Variants in GABPB1 observed in about 807,000 individuals in gnomAD.
GABPB1 encodes the protein GA-binding protein subunit beta-1.
In GABPB1, 15 loss-of-function variants were observed where a neutral mutation model predicts 45.9. The observed-to-expected ratio is 0.33, with a 90% CI of 0.22 to 0.50. GABPB1 has a LOEUF of 0.50. Among genes scored for constraint, GABPB1 ranks in the 20% least tolerant of loss-of-function variants. GABPB1 has a pLI of 0.98. For synonymous variants in GABPB1, 143 were observed against 154.4 expected, an observed-to-expected ratio of 0.93 and a Z score of 0.55; for missense variants, 252 against 457.5, an observed-to-expected ratio of 0.55 and a Z score of 4.10.
intron 1 of GABPB1, among the ~76,000 whole-genome samples, chr15:50,334,496 CTTTTTTTCCTTTT>C (rs2048049457): frequency 7.6e-6 from 1 of 131,132 alleles, no homozygotes; most frequent in African/African-American, 2.8e-5. Context: ...TTATCTTTTT[CTTTTTTTCCTTTT>C]TTTTTTTTTT....
chr15:50,287,016 A>G (rs1778796275), intron 7 of GABPB1, among the ~76,000 whole-genome samples: 1 of 152,232 alleles, frequency 6.6e-6, no homozygotes. Flanking sequence ...ATTTAAAAAT[A>G]GTAAAACTAA....
chr15:50,289,503 G>C lies in GABPB1; in HGVS notation c.863C>G (p.Thr288Ser). The C allele has an allele frequency of 6.2e-7, 1 of 1,610,720 alleles. No individual in the cohort carries two copies. Among genetic ancestry groups the C allele is most frequent in the Non-Finnish European group, 8.5e-7 (1 of 1,178,472 alleles). ...TSGIGQPIIVTMPDGQQVLTV... is the reference protein window; with the variant it reads ...TSGIGQPIIVSMPDGQQVLTV... ...CTAACCTTGTTGTCCATCTGGCATG[G>C]TCACAATGATGGGCTGACCAATTCC... The change falls in exon 7 of 9, where the codon ACC becomes AGC. Residue 288 changes from threonine to serine, a missense_variant. Thr to Ser is a moderately conservative substitution (Grantham distance 58). Around this residue, in one of 4 missense-constraint regions of GABPB1, gnomAD observed 193 missense variants for 259.9 expected, o/e 0.74. Coordinates refer to ENST00000380877, the MANE Select transcript of GABPB1 (RefSeq NM_016654.5).
chr15:50,309,535 C>A (rs1254328631), intron 2 of GABPB1, among the ~76,000 whole-genome samples, 156 bp downstream of exon 2: 1 of 152,176 alleles, frequency 6.6e-6, no homozygotes, highest in Non-Finnish European at 1.5e-5. Context: ...ATATAAACCA[C>A]TTCTTTTAGG....
chr15:50,353,039 T>C (rs561887142), intron 1 of GABPB1: 9 of 152,350 alleles, frequency 5.9e-5, no homozygotes, highest in African/African-American at 2.2e-4. Context: ...CTCCTATAAT[T>C]TTCAACATGT....
intron 8 of GABPB1, among the ~76,000 whole-genome samples, chr15:50,281,469 C>T (rs1317258900): frequency 1.3e-5 from 2 of 152,156 alleles, no homozygotes; most frequent in African/African-American, 4.8e-5. Flanking sequence ...CCTTGGCCTC[C>T]CAAAGTGCTA....
chr15:50,342,190 T>C (rs1329828097), intron 1 of GABPB1, among the ~76,000 whole-genome samples: 1 of 152,210 alleles, frequency 6.6e-6, no homozygotes, highest in Non-Finnish European at 1.5e-5. Context: ...GCAAAATGAA[T>C]TAATCACTTC....
At chr15:50,289,703 T>A in intron 6 of GABPB1, 35 bp from the exon 7 acceptor site, 2 of 1,517,570 alleles carry the variant, frequency 1.3e-6, no homozygotes, top group South Asian at 2.4e-5. Flanking sequence ...AGCAAACATA[T>A]GTAACGGTAT....
chr15:50,341,311 A>T (rs1199492590), intron 1 of GABPB1, among the ~76,000 whole-genome samples: 1 of 152,156 alleles, frequency 6.6e-6, no homozygotes, highest in Non-Finnish European at 1.5e-5. Context: ...AAGCAGGTGG[A>T]TCACCTGAGG....
intron 1 of GABPB1, among the ~76,000 whole-genome samples, chr15:50,325,014 C>T (rs1224876818): frequency 1.2e-4 from 18 of 152,164 alleles, no homozygotes; most frequent in Admixed American, 1.2e-3. Context: ...ACCAGACATG[C>T]ATAGCTCCCT....
chr15:50,321,626 C>T (rs894774043), intron 1 of GABPB1, among the ~76,000 whole-genome samples: 5 of 150,328 alleles, frequency 3.3e-5, no homozygotes, highest in African/African-American at 1.2e-4. Context: ...CACTTGAACT[C>T]AGGAGGCAGA....
rs2046816139 is a variant in GABPB1 at position 50,303,133 on chromosome 15, T to C, written c.277-10A>G. ...TGACATCAGCACCATGCTACAAAAA[T>C]ATTTCAAAGAGTTTACTAAAATATG... On this transcript the variant is annotated splice_polypyrimidine_tract_variant and intron_variant, in intron 3 of 8. Transcript: ENST00000380877. 2 of 1,575,614 alleles carry C rather than the reference T, an allele frequency of 1.3e-6. No individual in the cohort carries two copies. Among genetic ancestry groups the C allele is most frequent in the Admixed American group, 1.9e-5 (1 of 51,736 alleles).
intron 1 of GABPB1, among the ~76,000 whole-genome samples, chr15:50,322,549 A>G (rs2047612468): frequency 1.3e-5 from 2 of 152,242 alleles, no homozygotes; most frequent in African/African-American, 4.8e-5. Flanking sequence ...CCATCTCAAA[A>G]AAAAAGAACT....
intron 1 of GABPB1, chr15:50,351,179 A>G (rs1263588474): frequency 2.0e-5 from 3 of 152,254 alleles, no homozygotes; most frequent in Admixed American, 6.5e-5. Flanking sequence ...TTATGATAGT[A>G]TGCTACCCAA....
intron 1 of GABPB1, among the ~76,000 whole-genome samples, chr15:50,331,501 A>G (rs929564813): frequency 1.3e-5 from 2 of 152,256 alleles, no homozygotes; most frequent in African/African-American, 2.4e-5. Flanking sequence ...GTGAAGAAGT[A>G]TAACAGGAAA....
intron 8 of GABPB1, among the ~76,000 whole-genome samples, chr15:50,284,884 C>T (rs558382446): frequency 6.6e-6 from 1 of 152,234 alleles, no homozygotes; most frequent in African/African-American, 2.4e-5. Flanking sequence ...CAACATCCTA[C>T]ACATCACTTT....
intron 8 of GABPB1, among the ~76,000 whole-genome samples, chr15:50,285,365 T>G (rs1207662424): frequency 6.6e-6 from 1 of 152,170 alleles, no homozygotes; most frequent in African/African-American, 2.4e-5. Flanking sequence ...TTCATTTGAT[T>G]TCAAGTTCAG....
intron 1 of GABPB1, 178 bp downstream of exon 1, chr15:50,354,798 GGCCGACCCC>G (rs963601109): frequency 4.3e-6 from 1 of 230,128 alleles, no homozygotes; most frequent in Non-Finnish European, 8.7e-6. Flanking sequence ...CGGGCGCCCA[GGCCGACCCC>G]GCCGACCCCC....
chr15:50,282,560 G>GA (rs552203074), intron 8 of GABPB1, among the ~76,000 whole-genome samples: 20,319 of 89,002 alleles, frequency 0.23, 4,692 homozygotes, highest in African/African-American at 0.52. Flanking sequence ...CCTTAAAAAA[G>GA]AAAAAAAAAA....
chr15:50,313,778 T>C (rs929054137), intron 1 of GABPB1, among the ~76,000 whole-genome samples: 10 of 152,144 alleles, frequency 6.6e-5, no homozygotes, highest in Non-Finnish European at 1.3e-4. Flanking sequence ...AACAATTGTT[T>C]AGGATGGTAT....
Sources: allele counts gnomAD v4.1 joint callset (sites outside exome capture counted in the v4.1 genomes callset), GRCh38; gene constraint gnomAD v4.1.1; regional missense constraint gnomAD v4.1.1; transcripts MANE v1.5; gene names NCBI Gene and HGNC (gene_info 2026-07-23, HGNC 2026-07-21).